Variants in SON observed in about 807,000 individuals in gnomAD.
SON encodes SON DNA and RNA binding protein, also known as protein SON.
SON carries 4 observed loss-of-function variants against 173.3 expected under a neutral mutation model. That is an observed-to-expected ratio of 0.02 (90% CI 0.01 to 0.05). SON has a LOEUF of 0.05. Ranked by LOEUF, SON falls within the 10% of genes least tolerant of loss-of-function variation. The pLI is 1.00. For missense variants in SON, 2,626 were observed against 3,055.3 expected, an observed-to-expected ratio of 0.86 and a Z score of 3.31; for synonymous variants, 1,190 against 1,105.9, an observed-to-expected ratio of 1.08 and a Z score of -1.51.
Position 33,549,770 on chromosome 21 carries a change from A to G in SON, c.539A>G (p.Asn180Ser), listed in dbSNP as rs148833327. The change falls in exon 3 of 12, where the codon AAT (asparagine) becomes AGT (serine). Residue 180 changes from asparagine to serine, a missense_variant. Around this residue, in one of 13 missense-constraint regions of SON, gnomAD observed 757 missense variants for 730.1 expected, o/e 1.04. Coordinates refer to ENST00000356577, the MANE Select transcript of SON (RefSeq NM_138927.4). ...AGAGCATTTGGCCCATCTGAGACCA[A>G]TGAATCCCCTGCAGTTGTGCTAGAA... is the stretch of plus-strand genomic sequence containing the variant. Reference protein sequence around the residue: ...PTRAFGPSETNESPAVVLEPP... With the variant: ...PTRAFGPSETSESPAVVLEPP... 104 of 1,614,216 alleles carry G rather than the reference A, an allele frequency of 6.4e-5. No homozygotes were observed. In the East Asian group the frequency reaches 1.0e-3, roughly 16 times the overall value.
In SON at chr21:33,546,253, C is replaced by G. The variant is rs774929003; in HGVS notation, c.118C>G (p.Pro40Ala). Residue 40 changes from proline to alanine, a missense_variant, in exon 2 of 12, where the codon CCC becomes GCC. This residue lies in a region of SON where 757 missense variants were observed against 730.1 expected (regional missense o/e 1.04). Transcript: ENST00000356577. ...EGQLNGETNT[P>A]IEGNQAGDAA... ...CCAGCTGAATGGTGAAACAAATACACCCATTGAAGGAAACCAGGCGGGTGA... is the reference window on the plus strand; with the variant it reads ...CCAGCTGAATGGTGAAACAAATACAGCCATTGAAGGAAACCAGGCGGGTGA... 1.2e-6 allele frequency: 2 copies of G among 1,613,584 alleles called. No individual in the cohort carries two copies. The highest frequency in any genetic ancestry group is 3.3e-5 in the Admixed American group (2 of 59,906).
At position 33,553,107 on chromosome 21, in the gene SON, A is replaced by G; in HGVS notation, c.3876A>G (p.Ser1292=). ...TCMVSETPAM[S]AEPTVLASEP... The stretch of plus-strand genomic sequence containing the variant: ...TGGTATCTGAAACTCCCGCCATGTC[A>G]GCTGAACCAACTGTGTTAGCATCAG... The change falls in exon 3 of 12, where the codon TCA becomes TCG. Residue 1292 remains serine, a synonymous_variant. Coordinates refer to ENST00000356577, the MANE Select transcript of SON (RefSeq NM_138927.4). 6.2e-7 allele frequency: 1 copy of G among 1,614,226 alleles called. No individual in the cohort carries two copies. The highest frequency in any genetic ancestry group is 1.3e-5 in the African/African-American group (1 of 75,068).
intron 9 of SON, chr21:33,575,339 C>G (rs1444254500): frequency 3.2e-6 from 1 of 309,232 alleles, no homozygotes; most frequent in Non-Finnish European, 6.0e-6. Context: ...CCTGGCCATA[C>G]TTAACTTTTT....
chr21:33,550,301 G>C lies in SON; in HGVS notation c.1070G>C (p.Arg357Thr), dbSNP rs1199795837. 9 of 1,613,996 alleles carry C rather than the reference G, an allele frequency of 5.6e-6. No individual in the cohort carries two copies. In the African/African-American group the frequency reaches 8.0e-5, roughly 14 times the overall value. The change falls in exon 3 of 12, where the codon AGA (arginine) becomes ACA (threonine). Residue 357 changes from arginine (R) to threonine (T), a missense_variant. Arg to Thr is a moderately conservative substitution (Grantham distance 71). Coordinates refer to ENST00000356577, the MANE Select transcript of SON (RefSeq NM_138927.4). ...PSEIADSSMT[R>T]PQELPELPKT... ...GAGATTGCAGATTCATCCATGACAA[G>C]ACCGCAGGAGTTGCCGGAGCTGCCT...
Position 33,560,142 on chromosome 21 carries a change from G to A in SON, c.6657+367G>A, listed in dbSNP as rs1359990895. Reference sequence around the variant, plus strand: ...AGATTTTGGTGGTAGCAAATTTATCGGGTGGAGGGATTGATCGGAGAGGGC... The same window carrying A: ...AGATTTTGGTGGTAGCAAATTTATCAGGTGGAGGGATTGATCGGAGAGGGC... On this transcript the variant is annotated intron_variant, in intron 6 of 11. Transcript: ENST00000356577. The A allele has an allele frequency of 9.3e-6, 15 of 1,608,196 alleles. No individual in the cohort carries two copies. The highest frequency in any genetic ancestry group is 5.5e-5 in the South Asian group (5 of 90,132).
chr21:33,546,114 C>G, intron 1 of SON, 99 bp from the exon 2 acceptor site: 1 of 956,520 alleles, frequency 1.0e-6, no homozygotes, highest in Non-Finnish European at 1.5e-6. Context: ...GGTAAAACAT[C>G]TGACAGTCAG....
intron 1 of SON, 34 bp from the exon 2 acceptor site, chr21:33,546,160 TTATTAATGGTATGATAAAA>T: frequency 6.8e-7 from 1 of 1,464,780 alleles, no homozygotes; most frequent in Non-Finnish European, 9.3e-7. Context: ...TTGGATTTTT[TTATTAATGGTATGATAAAA>T]TATTAATGAA....
intron 9 of SON, 168 bp from the exon 10 acceptor site, chr21:33,575,428 A>ATAT: frequency 4.1e-6 from 2 of 491,150 alleles, no homozygotes; most frequent in Non-Finnish European, 7.2e-6. Flanking sequence ...TTATATGCTG[A>ATAT]AAAACAGTAA....
Position 33,549,869 on chromosome 21 carries a change from A to T in SON, c.638A>T (p.Glu213Val). The change falls in exon 3 of 12, where the codon GAA becomes GTA. Residue 213 changes from glutamate (E) to valine (V), a missense_variant. Glu to Val is a moderately radical substitution (Grantham distance 121). This residue lies in a region of SON where 757 missense variants were observed against 730.1 expected (regional missense o/e 1.04). Transcript: ENST00000356577. ...CTGAAGCCAGCTACAAAAACTGCAG[A>T]ACTGTCAGTTGTATCTACATCAGTA... ...ETLKPATKTA[E>V]LSVVSTSVIS... 6.2e-7 allele frequency: 1 copy of T among 1,614,256 alleles called. No individual in the cohort carries two copies. The highest frequency in any genetic ancestry group is 8.5e-7 in the Non-Finnish European group (1 of 1,180,052).
intron 3 of SON, among the ~76,000 whole-genome samples, chr21:33,555,654 G>A (rs1209677100): frequency 6.6e-6 from 1 of 152,116 alleles, no homozygotes; most frequent in East Asian, 1.9e-4. Flanking sequence ...TAGTTATCTT[G>A]CCATAGCTAA....
At position 33,553,225 on chromosome 21, in the gene SON, C is replaced by T; in HGVS notation, c.3994C>T (p.Pro1332Ser). ...AGAAGTATCTACATCCTTGTTGGTT[C>T]CAGCAGTAACTACTCCAGTGCTGGC... ...ASEVSTSLLV[P>S]AVTTPVLAES... Residue 1332 changes from proline (P) to serine (S), a missense_variant, in exon 3 of 12, where the codon CCA (proline) becomes TCA (serine). Coordinates refer to ENST00000356577, the MANE Select transcript of SON (RefSeq NM_138927.4). 6.2e-7 allele frequency: 1 copy of T among 1,614,188 alleles called. No homozygotes were observed. Among genetic ancestry groups the T allele is most frequent in the Non-Finnish European group, 8.5e-7 (1 of 1,180,040 alleles).
At chr21:33,545,393 A>G (rs2085590953) in intron 1 of SON, among the ~76,000 whole-genome samples, 1 of 152,190 alleles carries the variant, frequency 6.6e-6, no homozygotes, top group Non-Finnish European at 1.5e-5. Flanking sequence ...CAGGTAGTGG[A>G]GCATAATTGA....
In SON at chr21:33,546,273, G is replaced by A. The variant is rs536267719; in HGVS notation, c.138G>A (p.Ala46=). The A allele has an allele frequency of 2.5e-5, 40 of 1,613,618 alleles. No individual in the cohort carries two copies. The highest frequency in any genetic ancestry group is 1.3e-4 in the East Asian group (6 of 44,856). The part of the protein sequence containing the change: ...ETNTPIEGNQ[A]GDAAASARSL... ...ATACACCCATTGAAGGAAACCAGGC[G>A]GGTGATGCAGCTGCCTCTGCCAGGA... Residue 46 remains alanine, a synonymous_variant, in exon 2 of 12, where the codon GCG becomes GCA. Coordinates refer to ENST00000356577, the MANE Select transcript of SON (RefSeq NM_138927.4).
chr21:33,544,878 A>G (rs1233620601), intron 1 of SON, among the ~76,000 whole-genome samples: 2 of 152,242 alleles, frequency 1.3e-5, no homozygotes, highest in Non-Finnish European at 2.9e-5. Flanking sequence ...ATAAAGTGCT[A>G]CAGAAGGAAT....
rs1160761975 is a variant in SON, at chr21:33,552,531, C to G, written c.3300C>G (p.Asp1100Glu). The G allele has an allele frequency of 1.2e-6, 2 of 1,613,926 alleles. No individual in the cohort carries two copies. The highest frequency in any genetic ancestry group is 1.1e-5 in the South Asian group (1 of 91,086). ...RSMMSSYSAA[D>E]RSMMSSYSAA... ...TGATGTCGTCATACTCTGCTGCTGA[C>G]CGGTCTATGATGTCATCGTACTCTG... Residue 1100 changes from aspartate (D) to glutamate (E), a missense_variant, in exon 3 of 12, where the codon GAC becomes GAG. This residue lies in a region of SON where 366 missense variants were observed against 448.6 expected (regional missense o/e 0.82). Transcript: ENST00000356577. This position sits in a 1 kb window ranked among gnomAD's most constrained non-coding sequence, Gnocchi z 5.6.
At chr21:33,576,043 G>C (rs1569071496) in intron 11 of SON, 150 bp downstream of exon 11, 1 of 551,218 alleles carries the variant, frequency 1.8e-6, no homozygotes, top group Non-Finnish European at 3.2e-6. Context: ...AACACTGAAG[G>C]GTGCTTTAAT....
Position 33,550,554 on chromosome 21 carries a change from C to T in SON, c.1323C>T (p.Pro441=), listed in dbSNP as rs755086749. 2 of 1,613,428 alleles carry T rather than the reference C, an allele frequency of 1.2e-6. No individual in the cohort carries two copies. The highest frequency in any genetic ancestry group is 2.2e-5 in the East Asian group (1 of 44,812). Residue 441 remains proline, a synonymous_variant, in exon 3 of 12, where the codon CCC becomes CCT. Coordinates refer to ENST00000356577, the MANE Select transcript of SON (RefSeq NM_138927.4). ...PATAVPELPG[P]SVTPVPQLSQ... ...CAGCAGTGCCTGAGTTGCCAGGGCC[C>T]TCTGTGACACCAGTGCCACAGTTGT...
chr21:33,560,566 CTGTA>C (rs1213522130), intron 6 of SON: 1 of 970,384 alleles, frequency 1.0e-6, no homozygotes, highest in Non-Finnish European at 1.2e-6. Context: ...AACAGCAAGA[CTGTA>C]TATATATGTA....
rs779661642 is a variant in SON at position 33,552,623 on chromosome 21, C to G, written c.3392C>G (p.Ser1131Cys). ...TCAATGATGTCTATGGCTGCTGATTCTTACACCGATTCTTACACTGACACA... is the reference window on the plus strand; with the variant it reads ...TCAATGATGTCTATGGCTGCTGATTGTTACACCGATTCTTACACTGACACA... ...DRSMMSMAAD[S>C]YTDSYTDTYT... is the part of the protein sequence containing the mutation. Residue 1131 changes from serine (S) to cysteine (C), a missense_variant, in exon 3 of 12, where the codon TCT becomes TGT. Coordinates refer to ENST00000356577, the MANE Select transcript of SON (RefSeq NM_138927.4). This position sits in a 1 kb window ranked among gnomAD's most constrained non-coding sequence, Gnocchi z 5.6. 23 of 1,613,930 alleles carry G rather than the reference C, an allele frequency of 1.4e-5. No individual in the cohort carries two copies. Among genetic ancestry groups the G allele is most frequent in the African/African-American group, 2.7e-5 (2 of 74,852 alleles).
Sources: gnomAD v4.1 joint callset for allele counts (sites outside exome capture counted in the v4.1 genomes callset) on GRCh38, gnomAD v4.1.1 for gene constraint, gnomAD v4.1.1 regional missense constraint, Gnocchi (gnomAD v3.1) non-coding constraint, MANE v1.5 for transcripts, NCBI Gene and HGNC (gene_info 2026-07-23, HGNC 2026-07-21) for gene names.